The following ILDR2 variants were observed in gnomAD, a reference collection of about 807,000 sequenced individuals.
The protein encoded by ILDR2 is immunoglobulin like domain containing receptor 2, also known as immunoglobulin-like domain-containing receptor 2.
A neutral mutation model predicts 66.8 loss-of-function variants in ILDR2; 25 were observed. The ratio of observed to expected loss-of-function variants is 0.37; its 90% CI spans 0.27 to 0.52. The LOEUF (loss-of-function observed/expected upper bound fraction) is 0.52, where lower values mean the gene tolerates loss of function less well. Among genes scored for constraint, ILDR2 ranks in the 20% least tolerant of loss-of-function variants. The pLI, the probability that ILDR2 is intolerant of heterozygous loss-of-function variation, is 0.88. For missense variants in ILDR2, 827 were observed against 876.8 expected, an observed-to-expected ratio of 0.94 and a Z score of 0.72; for synonymous variants, 367 against 357.2, an observed-to-expected ratio of 1.03 and a Z score of -0.31.
At chr1:166,924,755 C>A (rs1279795006) in intron 7 of ILDR2, among the ~76,000 whole-genome samples, 3 of 152,116 alleles carry the variant, frequency 2.0e-5, no homozygotes, top group Non-Finnish European at 2.9e-5. Context: ...TAGCTCATGC[C>A]CATAATCCCA....
At chr1:166,906,990 T>C (rs1483648358), downstream of ILDR2, 1 of 152,286 alleles carries the variant, frequency 6.6e-6, no homozygotes, top group Non-Finnish European at 1.5e-5. Flanking sequence ...AGGTCAGCAC[T>C]GCCCACTGCC....
chr1:166,898,658 A>G (rs998525320), intron 2 of ILDR2, among the ~76,000 whole-genome samples: 1 of 152,224 alleles, frequency 6.6e-6, no homozygotes, highest in Non-Finnish European at 1.5e-5. Flanking sequence ...TCACTTGTAC[A>G]TGATATGACA....
chr1:166,969,766 C>T (rs1372570849), intron 1 of ILDR2, among the ~76,000 whole-genome samples: 2 of 152,224 alleles, frequency 1.3e-5, no homozygotes, highest in African/African-American at 2.4e-5. Flanking sequence ...TTTGATCTAC[C>T]TTAACCAGAA....
chr1:166,899,130 G>A (rs951568857), intron 2 of ILDR2, among the ~76,000 whole-genome samples: 5 of 151,846 alleles, frequency 3.3e-5, no homozygotes, highest in East Asian at 3.9e-4. Flanking sequence ...AATGGCTCAC[G>A]CCTGTAATCC....
chr1:166,905,360 C>T (rs142771336), downstream of ILDR2, among the ~76,000 whole-genome samples: 1 of 152,306 alleles, frequency 6.6e-6, no homozygotes, highest in Non-Finnish European at 1.5e-5. Flanking sequence ...GCTGAGCCAG[C>T]TGTTCAGCAT....
rs1659492983 is a variant in ILDR2 at position 166,912,437 on chromosome 1, A to T, written c.*6918T>A. 6.6e-6 allele frequency: 1 copy of T among 152,226 alleles called. No homozygotes were observed. The highest frequency in any genetic ancestry group is 2.4e-5 in the African/African-American group (1 of 41,474). 9.4% of individuals were successfully genotyped at this position (152,226 alleles called of 1,614,324 possible). A position where few individuals can be genotyped will look rare whatever the true frequency, so the allele number is the denominator to read the frequency against. ...GATGTGTAGAAAAAACACGTGGGTG[A>T]TTCTAAACAAATACTTTATAAATAA... On this transcript the variant is annotated 3_prime_UTR_variant, in exon 10 of 10. Coordinates refer to ENST00000271417, the MANE Select transcript of ILDR2 (RefSeq NM_199351.3).
intron 6 of ILDR2, among the ~76,000 whole-genome samples, chr1:166,932,287 A>T (rs1431510536): frequency 6.6e-6 from 1 of 152,256 alleles, no homozygotes; most frequent in Non-Finnish European, 1.5e-5. Flanking sequence ...GGAATGGTGA[A>T]AGCAATAGCA....
At chr1:166,937,031 G>T (rs1436417017) in intron 4 of ILDR2, among the ~76,000 whole-genome samples, 2 of 152,150 alleles carry the variant, frequency 1.3e-5, no homozygotes, top group Non-Finnish European at 2.9e-5. Flanking sequence ...CTGGGGAAAG[G>T]ATTTACACTA....
chr1:166,935,172 G>GATCCC (rs1660872648), intron 6 of ILDR2, 129 bp downstream of exon 6: 1 of 912,478 alleles, frequency 1.1e-6, no homozygotes, highest in Non-Finnish European at 1.7e-6. Flanking sequence ...TAGCTGGAAG[G>GATCCC]ATCCCATTTC....
chr1:166,917,404 AG>A lies in ILDR2; in HGVS notation c.*1950del, dbSNP rs1659686377. On this transcript the variant is annotated 3_prime_UTR_variant, in exon 10 of 10. Transcript: ENST00000271417. Reference sequence around the variant, plus strand: ...ACTAGAGGAATGGTACTTTGAGAATAGGGTCTAGCCCCAGTAGGGTGGCTCT... The same window carrying A: ...ACTAGAGGAATGGTACTTTGAGAATAGGTCTAGCCCCAGTAGGGTGGCTCT... 1 of 152,258 alleles carries A rather than the reference AG, an allele frequency of 6.6e-6. No homozygotes were observed. The highest frequency in any genetic ancestry group is 2.1e-4 in the South Asian group (1 of 4,836). 9.4% of individuals were successfully genotyped at this position (152,258 alleles called of 1,614,324 possible). A position where few individuals can be genotyped will look rare whatever the true frequency, so the allele number is the denominator to read the frequency against.
rs140469794 is a variant in ILDR2 at position 166,971,389 on chromosome 1, T to C, written c.46+3834A>G. Among the ~76,000 whole-genome samples, 44 of 152,362 alleles carry C rather than the reference T, an allele frequency of 2.9e-4. No individual in the cohort carries two copies. The East Asian group carries it at 7.3e-3, about 25-fold the overall frequency. ...GTTTGGGTTGAGTGTGCTTCCTCTA[T>C]GCTCTCACAGCAGGGGTGTGGCTCT... is the stretch of plus-strand genomic sequence containing the variant. On this transcript the variant is annotated intron_variant, in intron 1 of 9. Coordinates refer to ENST00000271417, the MANE Select transcript of ILDR2 (RefSeq NM_199351.3).
At position 166,965,020 on chromosome 1, in the gene ILDR2, T is replaced by C. The variant is rs1662848264; in HGVS notation, c.47-6919A>G. Among the ~76,000 whole-genome samples the C allele has an allele frequency of 2.6e-5, 4 of 152,280 alleles. No homozygotes were observed. The South Asian group carries it at 8.3e-4, about 32-fold the overall frequency. ...GATTGCTGCTAAAGGTCATGGAAAA[T>C]TATCATCATTAGAGACAGGCATCTT... On this transcript the variant is annotated intron_variant, in intron 1 of 9. Transcript: ENST00000271417.
intron 1 of ILDR2, among the ~76,000 whole-genome samples, chr1:166,963,771 T>A (rs551368144): frequency 6.6e-6 from 1 of 152,212 alleles, no homozygotes; most frequent in Non-Finnish European, 1.5e-5. Context: ...AAGTATGTTA[T>A]CCCCTCCTCC....
chr1:166,923,467 A>G (rs923360437), intron 7 of ILDR2, among the ~76,000 whole-genome samples: 2 of 152,236 alleles, frequency 1.3e-5, no homozygotes, highest in African/African-American at 4.8e-5. Context: ...ATCCTGCTCA[A>G]GTAGCACCAA....
At chr1:166,905,387 GAGAA>G (rs1182087339), downstream of ILDR2, among the ~76,000 whole-genome samples, 1 of 152,244 alleles carries the variant, frequency 6.6e-6, no homozygotes, top group Non-Finnish European at 1.5e-5. Flanking sequence ...TGCACTGAAG[GAGAA>G]AGAGTTTGAG....
At chr1:166,935,204 C>T in intron 6 of ILDR2, 97 bp downstream of exon 6, 1 of 1,213,322 alleles carries the variant, frequency 8.2e-7, no homozygotes. Flanking sequence ...AAACTATTTT[C>T]CAAAGACACA....
In ILDR2 at chr1:166,912,196, CA is replaced by C. The variant is rs1211222260; in HGVS notation, c.*7158del. 1 of 152,060 alleles carries C rather than the reference CA, an allele frequency of 6.6e-6. No homozygotes were observed. Among genetic ancestry groups the C allele is most frequent in the Non-Finnish European group, 1.5e-5 (1 of 67,980 alleles). 9.4% of individuals were successfully genotyped at this position (152,060 alleles called of 1,614,324 possible). On this transcript the variant is annotated 3_prime_UTR_variant, in exon 10 of 10. Transcript: ENST00000271417. Reference sequence around the variant, plus strand: ...ACTTCTTAAAAGCAAAAATAAAAGTCAGAAGGGAGTGTAATAATAACTTCAA... The same window carrying C: ...ACTTCTTAAAAGCAAAAATAAAAGTCGAAGGGAGTGTAATAATAACTTCAA...
rs1659876024 is a variant in ILDR2, at chr1:166,920,796, G to A, written c.1795C>T (p.Leu599=). ...DALPPYSELE[L]TRGPSYRGRD... is the part of the protein sequence containing the mutation. Reference sequence around the variant, plus strand: ...CCGCGGTAGGACGGGCCGCGGGTCAGCTCCAGCTCGCTGTAGGGCGGCAGC... The same window carrying A: ...CCGCGGTAGGACGGGCCGCGGGTCAACTCCAGCTCGCTGTAGGGCGGCAGC... The change falls in exon 9 of 10, where the codon CTG becomes TTG. Residue 599 remains leucine, a synonymous_variant. Transcript: ENST00000271417. 2.0e-6 allele frequency: 3 copies of A among 1,532,766 alleles called. No individual in the cohort carries two copies. Among genetic ancestry groups the A allele is most frequent in the African/African-American group, 1.4e-5 (1 of 70,796 alleles). The allele number at this position is 1,532,766 out of a possible 1,614,324, so 94.9% of individuals were successfully genotyped here. A position where few individuals can be genotyped will look rare whatever the true frequency, so the allele number is the denominator to read the frequency against.
chr1:166,899,673 A>T (rs1482243458), intron 2 of ILDR2, among the ~76,000 whole-genome samples: 3 of 152,264 alleles, frequency 2.0e-5, no homozygotes, highest in African/African-American at 7.2e-5. Context: ...TTTATGGCTC[A>T]GTTGATACCA....
Sources: gnomAD v4.1 joint callset for allele counts (sites outside exome capture counted in the v4.1 genomes callset) on GRCh38, gnomAD v4.1.1 for gene constraint, MANE v1.5 for transcripts, NCBI Gene and HGNC (gene_info 2026-07-23, HGNC 2026-07-21) for gene names.